PCDH9: variants seen among roughly 807,000 people sequenced by gnomAD.
The protein encoded by PCDH9 is protocadherin 9.
A neutral mutation model predicts 70.6 loss-of-function variants in PCDH9; 24 were observed. That is an observed-to-expected ratio of 0.34 (90% CI 0.25 to 0.48). PCDH9 has a LOEUF of 0.48. Among genes scored for constraint, PCDH9 ranks in the 20% least tolerant of loss-of-function variants. The pLI is 0.99. For missense variants in PCDH9, 1,281 were observed against 1,503.6 expected, an observed-to-expected ratio of 0.85 and a Z score of 2.45; for synonymous variants, 562 against 558.5, an observed-to-expected ratio of 1.01 and a Z score of -0.09.
At chr13:66,774,882 A>C (rs2079865907) in intron 3 of PCDH9, among the ~76,000 whole-genome samples, 1 of 152,176 alleles carries the variant, frequency 6.6e-6, no homozygotes, top group South Asian at 2.1e-4. Flanking sequence ...AAGTTTTGGT[A>C]CTTGGTTCCC....
intron 2 of PCDH9, among the ~76,000 whole-genome samples, chr13:67,195,586 G>T (rs900139829): frequency 6.6e-6 from 1 of 152,096 alleles, no homozygotes; most frequent in Non-Finnish European, 1.5e-5. Context: ...GCAAAATAAA[G>T]ATTTGTGCCA....
intron 3 of PCDH9, among the ~76,000 whole-genome samples, chr13:66,657,979 CA>C (rs1446978542): frequency 2.6e-5 from 4 of 152,036 alleles, no homozygotes; most frequent in African/African-American, 9.7e-5. Context: ...GAGAAAAATA[CA>C]GTGTAACAAC....
intron 3 of PCDH9, among the ~76,000 whole-genome samples, chr13:66,764,176 A>G (rs1439909431): frequency 1.3e-5 from 2 of 151,874 alleles, no homozygotes; most frequent in Non-Finnish European, 1.5e-5. Context: ...GAGGTGGAAT[A>G]TGGACAAGAT....
chr13:66,648,962 C>A (rs561645104), intron 3 of PCDH9, among the ~76,000 whole-genome samples: 1 of 151,880 alleles, frequency 6.6e-6, no homozygotes, highest in Admixed American at 6.6e-5. Flanking sequence ...GAAGATCAAG[C>A]AGAAGAATTA....
chr13:66,483,527 C>A (rs953187311), intron 4 of PCDH9, among the ~76,000 whole-genome samples: 1 of 152,214 alleles, frequency 6.6e-6, no homozygotes, highest in Non-Finnish European at 1.5e-5. Context: ...TCAGTGTCTA[C>A]TTGTTTGAGT....
At chr13:66,791,738 G>T (rs1398280573) in intron 3 of PCDH9, among the ~76,000 whole-genome samples, 1 of 151,888 alleles carries the variant, frequency 6.6e-6, no homozygotes, top group Non-Finnish European at 1.5e-5. Flanking sequence ...GGAAAAAATC[G>T]CAATTACTTT....
intron 2 of PCDH9, among the ~76,000 whole-genome samples, chr13:67,184,181 T>C (rs1420292085): frequency 6.6e-6 from 1 of 152,178 alleles, no homozygotes; most frequent in Non-Finnish European, 1.5e-5. Flanking sequence ...AGGTTATAAC[T>C]TCCTTCAGAT....
chr13:66,994,164 G>A (rs944938903), intron 2 of PCDH9, among the ~76,000 whole-genome samples: 7 of 152,196 alleles, frequency 4.6e-5, no homozygotes, highest in Admixed American at 4.6e-4. Context: ...TTGGGACTCA[G>A]CCTTCCACGG....
At chr13:66,699,877 CTG>C (rs962198382) in intron 3 of PCDH9, among the ~76,000 whole-genome samples, 3 of 151,906 alleles carry the variant, frequency 2.0e-5, no homozygotes, top group African/African-American at 7.3e-5. Flanking sequence ...AAATATTTAA[CTG>C]TATCTGAAAC....
chr13:66,547,500 A>G (rs560331794), intron 4 of PCDH9, among the ~76,000 whole-genome samples: 1 of 152,270 alleles, frequency 6.6e-6, no homozygotes, highest in East Asian at 1.9e-4. Context: ...ACGGGTGCAA[A>G]GGTGATTACG....
chr13:66,450,907 C>G (rs1958194622), intron 4 of PCDH9, among the ~76,000 whole-genome samples: 1 of 152,114 alleles, frequency 6.6e-6, no homozygotes, highest in African/African-American at 2.4e-5. Flanking sequence ...GTCCCAGCTA[C>G]TTGGGAGGCT....
At chr13:66,546,414 C>A (rs879356830) in intron 4 of PCDH9, among the ~76,000 whole-genome samples, 33 of 151,852 alleles carry the variant, frequency 2.2e-4, no homozygotes, top group Non-Finnish European at 4.1e-4. Flanking sequence ...AATTAAAAAA[C>A]CATTATAAAT....
intron 4 of PCDH9, among the ~76,000 whole-genome samples, chr13:66,580,667 CACTG>C: frequency 6.6e-6 from 1 of 151,786 alleles, no homozygotes; most frequent in Non-Finnish European, 1.5e-5. Context: ...CACCACCCCA[CACTG>C]TACAGCTTAG....
chr13:66,550,582 A>G (rs1961440098), intron 4 of PCDH9, among the ~76,000 whole-genome samples: 2 of 152,152 alleles, frequency 1.3e-5, no homozygotes, highest in South Asian at 4.2e-4. Context: ...TTGAACCTTA[A>G]GTTAAAGGCA....
At chr13:66,418,323 G>A (rs1350641139) in intron 4 of PCDH9, among the ~76,000 whole-genome samples, 1 of 152,096 alleles carries the variant, frequency 6.6e-6, no homozygotes, top group African/African-American at 2.4e-5. Context: ...TGTTAGATGT[G>A]TGTTATTTCT....
chr13:67,083,620 A>G (rs1031180341), intron 2 of PCDH9, among the ~76,000 whole-genome samples: 3 of 152,162 alleles, frequency 2.0e-5, no homozygotes, highest in African/African-American at 7.2e-5. Context: ...TAGTAAAAAA[A>G]TTGACGTGAA....
intron 3 of PCDH9, among the ~76,000 whole-genome samples, chr13:66,740,760 C>A (rs1238505287): frequency 6.6e-6 from 1 of 151,724 alleles, no homozygotes; most frequent in African/African-American, 2.4e-5. Flanking sequence ...ATAAATTCCT[C>A]GACACATACA....
intron 4 of PCDH9, among the ~76,000 whole-genome samples, chr13:66,417,474 G>T (rs1256015737): frequency 1.3e-5 from 2 of 152,138 alleles, no homozygotes; most frequent in Non-Finnish European, 2.9e-5. Context: ...TGTGAATAGT[G>T]CCATAATAAA....
intron 2 of PCDH9, among the ~76,000 whole-genome samples, chr13:67,150,065 A>T (rs9529194): frequency 6.6e-6 from 1 of 152,018 alleles, no homozygotes; most frequent in Non-Finnish European, 1.5e-5. Context: ...TATTTTTTTG[A>T]TATGGAGTCT....
Sources: allele counts gnomAD v4.1 joint callset (sites outside exome capture counted in the v4.1 genomes callset), GRCh38; gene constraint gnomAD v4.1.1; transcripts MANE v1.5; gene names NCBI Gene and HGNC (gene_info 2026-07-23, HGNC 2026-07-21).